Variants in CLNK observed in about 807,000 individuals in gnomAD.
The protein encoded by CLNK is cytokine-dependent hematopoietic cell linker.
CLNK carries 74 observed loss-of-function variants against 68.6 expected under a neutral mutation model. The observed-to-expected ratio is 1.08, with a 90% CI of 0.89 to 1.31. The LOEUF (loss-of-function observed/expected upper bound fraction) is 1.31, where lower values mean the gene tolerates loss of function less well. CLNK is among the 50% of genes most tolerant of loss of function. The pLI is 0.00. For missense variants in CLNK, 553 were observed against 515.3 expected (o/e 1.07, Z -0.71); for synonymous variants, 198 against 172.2 (o/e 1.15, Z -1.17).
chr4:10,599,753 ACAGT>A (rs1314835929), intron 2 of CLNK, among the ~76,000 whole-genome samples: 2 of 152,068 alleles, frequency 1.3e-5, no homozygotes, highest in Non-Finnish European at 2.9e-5. Context: ...ACAGATCCTA[ACAGT>A]CAGATTCCCC....
intron 2 of CLNK, among the ~76,000 whole-genome samples, chr4:10,659,767 A>T (rs1427761428): frequency 1.3e-5 from 2 of 152,152 alleles, no homozygotes; most frequent in Admixed American, 1.3e-4. Flanking sequence ...AATTTTACAC[A>T]TCTAGATCTC....
chr4:10,700,191 G>A, the CLNK span, among the ~76,000 whole-genome samples: 2,493 of 152,212 alleles, frequency 0.016, 69 homozygotes, highest in African/African-American at 0.056. Context: ...GACTTTGGGG[G>A]TAAAGAAACT....
intron 4 of CLNK, 106 bp downstream of exon 4, chr4:10,584,821 T>C: frequency 1.7e-6 from 2 of 1,171,074 alleles, no homozygotes; most frequent in Non-Finnish European, 2.5e-6. Flanking sequence ...TCATTTCAAA[T>C]AGGCCATAGT....
chr4:10,516,819 G>A (rs1717859308), intron 15 of CLNK, among the ~76,000 whole-genome samples: 1 of 152,182 alleles, frequency 6.6e-6, no homozygotes, highest in African/African-American at 2.4e-5. Context: ...CCAAAGTGCT[G>A]GGATTATAGG....
At chr4:10,692,467 G>A in the CLNK span, among the ~76,000 whole-genome samples, 3 of 152,166 alleles carry the variant, frequency 2.0e-5, no homozygotes, top group Admixed American at 2.0e-4. Context: ...CCTTGAACGC[G>A]AACGCTCTGA....
chr4:10,644,071 C>T (rs188402581), intron 2 of CLNK, among the ~76,000 whole-genome samples: 120 of 152,268 alleles, frequency 7.9e-4, no homozygotes, highest in African/African-American at 2.5e-3. Context: ...AAGGGGAGCC[C>T]GTGGAATGTC....
intron 1 of CLNK, among the ~76,000 whole-genome samples, chr4:10,677,335 G>A (rs1334631211): frequency 1.3e-5 from 2 of 152,074 alleles, no homozygotes; most frequent in African/African-American, 4.8e-5. Flanking sequence ...ATGTATGCTG[G>A]TGATTTTCTG....
chr4:10,544,856 T>A (rs1719166432), intron 8 of CLNK, among the ~76,000 whole-genome samples: 1 of 152,198 alleles, frequency 6.6e-6, no homozygotes, highest in African/African-American at 2.4e-5. Context: ...GGACAGCACA[T>A]GGCGAGGAGG....
intron 18 of CLNK, among the ~76,000 whole-genome samples, chr4:10,500,990 G>T (rs758959661): frequency 5.9e-5 from 9 of 152,222 alleles, no homozygotes; most frequent in Non-Finnish European, 5.9e-5. Flanking sequence ...AGCTTCCTGG[G>T]AGGCAGAGTT....
At chr4:10,672,530 C>A (rs1437162395) in intron 1 of CLNK, among the ~76,000 whole-genome samples, 1 of 152,090 alleles carries the variant, frequency 6.6e-6, no homozygotes, top group Non-Finnish European at 1.5e-5. Context: ...TGCCTTATAT[C>A]ACTTTAAGTG....
chr4:10,699,513 T>TATATATATATTTTA, the CLNK span, among the ~76,000 whole-genome samples: 46 of 62,052 alleles, frequency 7.4e-4, 2 homozygotes, highest in African/African-American at 3.8e-3. Flanking sequence ...TATATATATA[T>TATATATATATTTTA]TTTTTTTTTT....
At position 10,530,345 on chromosome 4, in the gene CLNK, C is replaced by T. The variant is rs555534186; in HGVS notation, c.630+1911G>A. Among the ~76,000 whole-genome samples the T allele has an allele frequency of 1.8e-4, 28 of 152,262 alleles. No individual in the cohort carries two copies. In the East Asian group the frequency reaches 4.6e-3, roughly 25 times the overall value. ...TGAATTTGAGCAGAGGGAGGTAGCA[C>T]ATAAAAGATTCTAGTCCACAAGACA... On this transcript the variant is annotated intron_variant, in intron 12 of 18. Coordinates refer to ENST00000226951, the MANE Select transcript of CLNK (RefSeq NM_052964.4).
At chr4:10,734,511 A>G in the CLNK span, among the ~76,000 whole-genome samples, 1 of 152,192 alleles carries the variant, frequency 6.6e-6, no homozygotes, top group African/African-American at 2.4e-5. Flanking sequence ...AACAAAAGTA[A>G]AGTTGAACAG....
At chr4:10,643,000 G>T (rs558302021) in intron 2 of CLNK, among the ~76,000 whole-genome samples, 1 of 152,008 alleles carries the variant, frequency 6.6e-6, no homozygotes, top group Non-Finnish European at 1.5e-5. Context: ...CTATATATAC[G>T]CACACATACA....
chr4:10,565,411 G>A (rs867309892), intron 6 of CLNK, among the ~76,000 whole-genome samples: 17 of 152,174 alleles, frequency 1.1e-4, no homozygotes, highest in Non-Finnish European at 1.8e-4. Flanking sequence ...CCTTACAATA[G>A]GGTGCTTTAT....
At chr4:10,722,291 C>A in the CLNK span, among the ~76,000 whole-genome samples, 1 of 152,074 alleles carries the variant, frequency 6.6e-6, no homozygotes, top group East Asian at 1.9e-4. Flanking sequence ...ATTTTGATGA[C>A]CCCCAGTATA....
chr4:10,705,774 A>G, the CLNK span, among the ~76,000 whole-genome samples: 10 of 152,232 alleles, frequency 6.6e-5, no homozygotes, highest in African/African-American at 2.4e-4. Flanking sequence ...AGCATAATAC[A>G]TTTATGGTCT....
At chr4:10,547,712 A>C (rs1471072813) in intron 8 of CLNK, among the ~76,000 whole-genome samples, 3 of 152,164 alleles carry the variant, frequency 2.0e-5, no homozygotes, top group Admixed American at 6.5e-5. Flanking sequence ...TGACTGTGTT[A>C]GGTTCCACAA....
Position 10,506,121 on chromosome 4 carries a change from T to C in CLNK, c.984+1838A>G, listed in dbSNP as rs562100979. 3.3e-5 allele frequency among the ~76,000 whole-genome samples: 5 copies of C among 152,316 alleles called. No homozygotes were observed. The South Asian group carries it at 1.0e-3, about 32-fold the overall frequency. On this transcript the variant is annotated intron_variant, in intron 17 of 18. Transcript: ENST00000226951. ...GCAATCTCGTATAGTTCTCTGCACA[T>C]AGTCATCATTCGATAATCATTTGCT...
Sources: gnomAD v4.1 joint callset for allele counts (sites outside exome capture counted in the v4.1 genomes callset) on GRCh38, gnomAD v4.1.1 for gene constraint, MANE v1.5 for transcripts, NCBI Gene and HGNC (gene_info 2026-07-23, HGNC 2026-07-21) for gene names.